Variants in ANO6 observed in about 807,000 individuals in gnomAD.
ANO6 encodes anoctamin-6.
ANO6 carries 106 observed loss-of-function variants against 117.5 expected under a neutral mutation model. The ratio of observed to expected loss-of-function variants is 0.90; its 90% CI spans 0.77 to 1.06. The LOEUF (loss-of-function observed/expected upper bound fraction) is 1.06. ANO6 is among the 50% of genes least tolerant of loss of function. The probability of loss-of-function intolerance (pLI) is 0.00; values close to 1 mark genes in which losing one functional copy is unlikely to be tolerated. For synonymous variants in ANO6, 367 were observed against 385.1 expected, an observed-to-expected ratio of 0.95 and a Z score of 0.55; for missense variants, 955 against 1,121.1, an observed-to-expected ratio of 0.85 and a Z score of 2.12.
chr12:45,219,503 A>ATTTTT (rs59216107), intron 1 of ANO6, among the ~76,000 whole-genome samples: 1 of 119,670 alleles, frequency 8.4e-6, no homozygotes, highest in Non-Finnish European at 1.7e-5. Flanking sequence ...TGCCTGGCCA[A>ATTTTT]TTTTTTTTTT....
rs766210600 is a variant in ANO6, at chr12:45,348,317, T to C, written c.633+2T>C. 10 of 1,614,048 alleles carry C rather than the reference T, an allele frequency of 6.2e-6. No individual in the cohort carries two copies. The highest frequency in any genetic ancestry group is 1.7e-5 in the Admixed American group (1 of 60,010). ...AATCCAGCCACCAGAAGCCGCATTGTAAGTCTAAACCAAATTTAGTTGCTG... is the reference window on the plus strand; with the variant it reads ...AATCCAGCCACCAGAAGCCGCATTGCAAGTCTAAACCAAATTTAGTTGCTG... On this transcript the variant is annotated splice_donor_variant, in intron 5 of 19. Coordinates refer to ENST00000320560, the MANE Select transcript of ANO6 (RefSeq NM_001025356.3). LOFTEE classifies it high-confidence loss of function.
At chr12:45,387,460 G>C (rs1162184830) in intron 10 of ANO6, among the ~76,000 whole-genome samples, 1 of 152,174 alleles carries the variant, frequency 6.6e-6, no homozygotes, top group Non-Finnish European at 1.5e-5. Context: ...ATGAAGGATG[G>C]ATCATGAGCT....
intron 10 of ANO6, among the ~76,000 whole-genome samples, chr12:45,381,029 G>A (rs370311725): frequency 3.3e-5 from 5 of 152,098 alleles, no homozygotes; most frequent in Admixed American, 6.6e-5. Flanking sequence ...TGTGGGTTAC[G>A]AGGCCTAAAT....
chr12:45,266,805 AGTGTGTGTGTGTGT>A (rs57682251), intron 1 of ANO6, among the ~76,000 whole-genome samples: 64 of 145,764 alleles, frequency 4.4e-4, no homozygotes, highest in South Asian at 1.8e-3. Context: ...TCAAAAAACA[AGTGTGTGTGTGTGT>A]GTGTGTGTGT....
chr12:45,340,142 G>A (rs1401867322), intron 3 of ANO6, among the ~76,000 whole-genome samples: 1 of 152,036 alleles, frequency 6.6e-6, no homozygotes, highest in African/African-American at 2.4e-5. Flanking sequence ...TGTAATCTAG[G>A]GTGCGTAGGG....
intron 1 of ANO6, among the ~76,000 whole-genome samples, chr12:45,261,901 T>C (rs1409469335): frequency 6.6e-6 from 1 of 152,222 alleles, no homozygotes; most frequent in African/African-American, 2.4e-5. Flanking sequence ...AGGTACCGTT[T>C]TCACTTAAAT....
In ANO6 at chr12:45,371,703, C is replaced by G. The variant is rs546434061; in HGVS notation, c.1104+3910C>G. 2.0e-5 allele frequency among the ~76,000 whole-genome samples: 3 copies of G among 152,274 alleles called. No individual in the cohort carries two copies. In the East Asian group the frequency reaches 5.8e-4, roughly 29 times the overall value. ...CAGAAAGGACATCCACACCAAAAAC[C>G]CATCTGTACATCACCATCATCAAAG... On this transcript the variant is annotated intron_variant, in intron 9 of 19. Coordinates refer to ENST00000320560, the MANE Select transcript of ANO6 (RefSeq NM_001025356.3).
At chr12:45,244,404 G>GC (rs1947791990) in intron 1 of ANO6, among the ~76,000 whole-genome samples, 1 of 88,980 alleles carries the variant, frequency 1.1e-5, no homozygotes, top group Admixed American at 9.9e-5. Flanking sequence ...TTCTCTATTT[G>GC]GGGGGGGGGG....
In ANO6 at chr12:45,432,330, A is replaced by G; in HGVS notation, c.*3019A>G. 1 of 869,486 alleles carries G rather than the reference A, an allele frequency of 1.2e-6. No homozygotes were observed. The highest frequency in any genetic ancestry group is 1.4e-6 in the Non-Finnish European group (1 of 725,572). The allele number at this position is 869,486 out of a possible 1,614,324, so 53.9% of individuals were successfully genotyped here. A position where few individuals can be genotyped will look rare whatever the true frequency, so the allele number is the denominator to read the frequency against. ...CTTTTATAATTATGAGCATTTTAAT[A>G]AATTCATTTTTACAAACAATAGTAT... On this transcript the variant is annotated 3_prime_UTR_variant, in exon 20 of 20. Transcript: ENST00000320560.
Position 45,437,960 on chromosome 12 carries a change from G to A in ANO6, c.2527-1715G>A, listed in dbSNP as rs1385274667. Among the ~76,000 whole-genome samples the A allele has an allele frequency of 2.0e-5, 3 of 152,144 alleles. No homozygotes were observed. The East Asian group carries it at 5.8e-4, about 29-fold the overall frequency. ...AATCATAGCATTTACATTTAAGTTGGCTAGTAAAACTTCAAGCACGAGGGT... is the reference window on the plus strand; with the variant it reads ...AATCATAGCATTTACATTTAAGTTGACTAGTAAAACTTCAAGCACGAGGGT... On this transcript the variant is annotated intron_variant, in intron 19 of 19. Transcript: ENST00000425752.
intron 1 of ANO6, among the ~76,000 whole-genome samples, chr12:45,230,033 G>GTAGT (rs1947551829): frequency 6.6e-6 from 1 of 152,098 alleles, no homozygotes; most frequent in African/African-American, 2.4e-5. Flanking sequence ...AATATTGTGG[G>GTAGT]TAGTTGCTTT....
At chr12:45,371,625 C>G (rs867566693) in intron 9 of ANO6, among the ~76,000 whole-genome samples, 1 of 151,794 alleles carries the variant, frequency 6.6e-6, no homozygotes, top group African/African-American at 2.4e-5. Flanking sequence ...CGGCAGGGTA[C>G]TCCAACAGAC....
At position 45,243,178 on chromosome 12, in the gene ANO6, G is replaced by T. The variant is rs138873465; in HGVS notation, c.70+26787G>T. Among the ~76,000 whole-genome samples, 649 of 152,238 alleles carry T rather than the reference G, an allele frequency of 4.3e-3. 6 individuals are homozygous for T. Among genetic ancestry groups the T allele is most frequent in the African/African-American group, 0.015 (614 of 41,530 alleles). Reference sequence around the variant, plus strand: ...CTAAAAATATAAATAAATTAGCCAGGTGTGGTGGCATGCACCTGTAGTCTC... The same window carrying T: ...CTAAAAATATAAATAAATTAGCCAGTTGTGGTGGCATGCACCTGTAGTCTC... On this transcript the variant is annotated intron_variant, in intron 1 of 19. Transcript: ENST00000320560.
chr12:45,342,063 A>G (rs928147681), intron 3 of ANO6, among the ~76,000 whole-genome samples: 19 of 152,084 alleles, frequency 1.2e-4, no homozygotes, highest in African/African-American at 4.6e-4. Context: ...TATAGAGTTG[A>G]TTATTTGCCC....
At chr12:45,347,297 T>G in intron 4 of ANO6, 1 of 555,208 alleles carries the variant, frequency 1.8e-6, no homozygotes, top group Non-Finnish European at 3.2e-6. Flanking sequence ...AGCCAACGAA[T>G]TTTACAATGA....
chr12:45,248,659 C>T (rs989635523), intron 1 of ANO6, among the ~76,000 whole-genome samples: 2 of 151,946 alleles, frequency 1.3e-5, no homozygotes, highest in African/African-American at 4.8e-5. Context: ...GTCTCGTGAC[C>T]CGCCCGCCTC....
At chr12:45,365,583 G>C (rs1018375079) in intron 8 of ANO6, among the ~76,000 whole-genome samples, 1 of 152,152 alleles carries the variant, frequency 6.6e-6, no homozygotes, top group Admixed American at 6.5e-5. Context: ...CAAATAGTAA[G>C]ACTTCTCTGA....
intron 1 of ANO6, among the ~76,000 whole-genome samples, chr12:45,258,754 A>G (rs1937923868): frequency 6.6e-6 from 1 of 152,192 alleles, no homozygotes; most frequent in Admixed American, 6.5e-5. Context: ...GAGCATTAGG[A>G]CACTTGTATT....
At chr12:45,372,349 AAATACAGAG>A (rs1941867570) in intron 9 of ANO6, among the ~76,000 whole-genome samples, 1 of 138,568 alleles carries the variant, frequency 7.2e-6, no homozygotes, top group Non-Finnish European at 1.5e-5. Context: ...CAGATTCAGG[AAATACAGAG>A]AATGCCACAA....
Sources: allele counts gnomAD v4.1 joint callset (sites outside exome capture counted in the v4.1 genomes callset), GRCh38; gene constraint gnomAD v4.1.1; transcripts MANE v1.5; gene names NCBI Gene and HGNC (gene_info 2026-07-23, HGNC 2026-07-21).